RBFOX1: variants seen among roughly 807,000 people sequenced by gnomAD.
The protein encoded by RBFOX1 is RNA binding fox-1 homolog 1.
RBFOX1 carries 8 observed loss-of-function variants against 57.7 expected under a neutral mutation model. That is an observed-to-expected ratio of 0.14 (90% CI 0.08 to 0.25). The LOEUF (loss-of-function observed/expected upper bound fraction) is 0.25. Among genes scored for constraint, RBFOX1 ranks in the 10% least tolerant of loss-of-function variants. The probability of loss-of-function intolerance (pLI) is 1.00; values close to 1 mark genes in which losing one functional copy is unlikely to be tolerated. For synonymous variants in RBFOX1, 326 were observed against 222.4 expected, an observed-to-expected ratio of 1.47 and a Z score of -4.15; for missense variants, 611 against 548.5, an observed-to-expected ratio of 1.11 and a Z score of -1.14.
At chr16:6,981,819 G>C (rs1349795994) in intron 3 of RBFOX1, among the ~76,000 whole-genome samples, 3 of 152,162 alleles carry the variant, frequency 2.0e-5, no homozygotes, top group Non-Finnish European at 4.4e-5. Context: ...AGATGAGATT[G>C]GGGTGGGGAC....
At chr16:6,081,409 T>G (rs148042281) in intron 1 of RBFOX1, among the ~76,000 whole-genome samples, 1 of 152,258 alleles carries the variant, frequency 6.6e-6, no homozygotes, top group Non-Finnish European at 1.5e-5. Flanking sequence ...GGAATGTGAA[T>G]TTGCCTACAC....
At chr16:6,992,903 T>C (rs2091728687) in intron 3 of RBFOX1, among the ~76,000 whole-genome samples, 1 of 151,640 alleles carries the variant, frequency 6.6e-6, no homozygotes, top group Admixed American at 6.6e-5. Flanking sequence ...AAGCACGGTG[T>C]CATTCACAAG....
intron 14 of RBFOX1, among the ~76,000 whole-genome samples, chr16:7,685,510 TCA>T (rs1353496364): frequency 7.9e-5 from 12 of 152,214 alleles, no homozygotes; most frequent in African/African-American, 2.6e-4. Context: ...TTACTGACCC[TCA>T]GTTTTTTCCT....
At chr16:6,044,294 A>T (rs971068604) in intron 1 of RBFOX1, among the ~76,000 whole-genome samples, 1 of 152,176 alleles carries the variant, frequency 6.6e-6, no homozygotes, top group African/African-American at 2.4e-5. Context: ...TTCAGAAGCC[A>T]AGTGAAATTT....
At chr16:6,531,031 G>C (rs2096650723) in intron 2 of RBFOX1, among the ~76,000 whole-genome samples, 1 of 152,172 alleles carries the variant, frequency 6.6e-6, no homozygotes, top group African/African-American at 2.4e-5. Context: ...CCACCTTGCA[G>C]GTGAGCCTCT....
At chr16:6,594,381 G>A (rs1233949391) in intron 2 of RBFOX1, among the ~76,000 whole-genome samples, 5 of 152,120 alleles carry the variant, frequency 3.3e-5, no homozygotes, top group African/African-American at 1.2e-4. Flanking sequence ...ATGCATGTGC[G>A]ATTATAAATG....
At chr16:5,344,079 T>A (rs2065090174) in intron 1 of RBFOX1, among the ~76,000 whole-genome samples, 1 of 152,178 alleles carries the variant, frequency 6.6e-6, no homozygotes, top group South Asian at 2.1e-4. Context: ...CCTATTCTCG[T>A]TTTCGGAGAA....
intron 3 of RBFOX1, among the ~76,000 whole-genome samples, chr16:5,712,424 G>A (rs991225536): frequency 1.2e-4 from 19 of 152,300 alleles, no homozygotes; most frequent in Non-Finnish European, 1.9e-4. Flanking sequence ...CACCTGCCAG[G>A]ACCAGTTATT....
chr16:5,673,602 A>G (rs1042108883), intron 3 of RBFOX1, among the ~76,000 whole-genome samples: 1 of 152,192 alleles, frequency 6.6e-6, no homozygotes, highest in Non-Finnish European at 1.5e-5. Flanking sequence ...GAGGGCAACT[A>G]TCTCCATTCA....
In RBFOX1 at chr16:5,946,778, C is replaced by G. The variant is rs780569307; in HGVS notation, c.351+79443C>G. Among the ~76,000 whole-genome samples, 7 of 152,132 alleles carry G rather than the reference C, an allele frequency of 4.6e-5. No homozygotes were observed. The highest frequency in any genetic ancestry group is 1.0e-4 in the Non-Finnish European group (7 of 68,016). On this transcript the variant is annotated intron_variant, in intron 4 of 19. Transcript: ENST00000641259. This position sits in a 1 kb window ranked among gnomAD's most constrained non-coding sequence, Gnocchi z 4.6. The stretch of plus-strand genomic sequence containing the variant: ...CAACCTGTGGAATCTGATTCTAACT[C>G]CAGGTGGATCATGTCAGAATTGAAC...
intron 4 of RBFOX1, among the ~76,000 whole-genome samples, chr16:7,293,203 C>A (rs751063162): frequency 7.9e-5 from 12 of 152,188 alleles, no homozygotes; most frequent in Non-Finnish European, 1.5e-4. Flanking sequence ...CATGTGCAGA[C>A]ACTTTTTTCC....
intron 3 of RBFOX1, among the ~76,000 whole-genome samples, chr16:7,037,228 CTTTTTTTTTTTTTTTT>C (rs889539532): frequency 1.2e-5 from 1 of 80,524 alleles, no homozygotes; most frequent in Non-Finnish European, 2.2e-5. Flanking sequence ...GTCTTAGCCT[CTTTTTTTTTTTTTTTT>C]TTTTTTTTTT....
intron 2 of RBFOX1, among the ~76,000 whole-genome samples, chr16:6,388,564 A>C (rs1293214863): frequency 6.6e-6 from 1 of 152,144 alleles, no homozygotes; most frequent in Non-Finnish European, 1.5e-5. Flanking sequence ...ATAATGGAAT[A>C]CTACTCAGCC....
chr16:5,290,957 C>T (rs1052893742), intron 1 of RBFOX1, among the ~76,000 whole-genome samples: 5 of 152,160 alleles, frequency 3.3e-5, no homozygotes, highest in South Asian at 2.1e-4. Flanking sequence ...GCCTCAGCTT[C>T]GCAAAGTACT....
chr16:5,507,218 A>G (rs72761049), intron 2 of RBFOX1, among the ~76,000 whole-genome samples: 3,946 of 152,268 alleles, frequency 0.026, 65 homozygotes, highest in Middle Eastern at 0.044. Flanking sequence ...AACACCAACC[A>G]CTGCGGCCAC....
chr16:6,978,729 G>C (rs187504954), intron 3 of RBFOX1, among the ~76,000 whole-genome samples: 35 of 152,332 alleles, frequency 2.3e-4, no homozygotes, highest in African/African-American at 8.2e-4. Context: ...CTCAGAGTAA[G>C]TTTGGAAGAA....
intron 2 of RBFOX1, among the ~76,000 whole-genome samples, chr16:5,502,773 G>C (rs887391196): frequency 6.6e-6 from 1 of 152,150 alleles, no homozygotes; most frequent in African/African-American, 2.4e-5. Flanking sequence ...GCCCCCGAAG[G>C]CTGGAACTTT....
At chr16:6,750,811 A>G (rs2074785798) in intron 3 of RBFOX1, among the ~76,000 whole-genome samples, 1 of 152,206 alleles carries the variant, frequency 6.6e-6, no homozygotes, top group Non-Finnish European at 1.5e-5. Flanking sequence ...ATAAATAGTT[A>G]ATAACAATAA....
At chr16:6,872,961 C>T (rs946680417) in intron 3 of RBFOX1, among the ~76,000 whole-genome samples, 1 of 152,084 alleles carries the variant, frequency 6.6e-6, no homozygotes, top group Non-Finnish European at 1.5e-5. Flanking sequence ...CCGGCCGCAG[C>T]TGGTCTTGAG....
Sources: gnomAD v4.1 joint callset for allele counts (sites outside exome capture counted in the v4.1 genomes callset) on GRCh38, gnomAD v4.1.1 for gene constraint, Gnocchi (gnomAD v3.1) non-coding constraint, MANE v1.5 for transcripts, NCBI Gene and HGNC (gene_info 2026-07-23, HGNC 2026-07-21) for gene names.